Variants in ASTN1 observed in about 807,000 individuals in gnomAD.
ASTN1 encodes the protein astrotactin 1.
A neutral mutation model predicts 140.7 loss-of-function variants in ASTN1; 41 were observed. That is an observed-to-expected ratio of 0.29 (90% CI 0.23 to 0.38). The LOEUF is 0.38. Ranked by LOEUF, ASTN1 falls within the 10% of genes least tolerant of loss-of-function variation. ASTN1 has a pLI of 1.00. For missense variants in ASTN1, 1,479 were observed against 1,678.8 expected (o/e 0.88, Z 2.08); for synonymous variants, 640 against 652.2 (o/e 0.98, Z 0.29).
At chr1:177,018,825 C>T (rs994142076) in intron 7 of ASTN1, among the ~76,000 whole-genome samples, 1 of 152,128 alleles carries the variant, frequency 6.6e-6, no homozygotes, top group African/African-American at 2.4e-5. Flanking sequence ...ACAAAAAAAC[C>T]CTTGCAAAGC....
At chr1:176,921,725 C>T (rs1670731529) in intron 16 of ASTN1, among the ~76,000 whole-genome samples, 1 of 152,120 alleles carries the variant, frequency 6.6e-6, no homozygotes, top group Admixed American at 6.5e-5. Flanking sequence ...CCAGACATCA[C>T]ATTATCTATC....
intron 2 of ASTN1, among the ~76,000 whole-genome samples, chr1:177,042,485 C>T (rs1291098285): frequency 6.6e-6 from 1 of 152,218 alleles, no homozygotes; most frequent in African/African-American, 2.4e-5. Flanking sequence ...ATGTGCTTAA[C>T]TCTTCCTCCA....
At chr1:177,125,273 G>C (rs1681587634) in intron 1 of ASTN1, among the ~76,000 whole-genome samples, 1 of 152,196 alleles carries the variant, frequency 6.6e-6, no homozygotes, top group Non-Finnish European at 1.5e-5. Flanking sequence ...GGCAATCCAA[G>C]TATAGAGATT....
At chr1:177,147,177 A>G (rs1356310797) in intron 1 of ASTN1, among the ~76,000 whole-genome samples, 2 of 152,210 alleles carry the variant, frequency 1.3e-5, no homozygotes, top group Non-Finnish European at 2.9e-5. Flanking sequence ...CAATTCAGTG[A>G]AAAAGACAAC....
At chr1:177,026,013 G>A (rs938545334) in intron 5 of ASTN1, among the ~76,000 whole-genome samples, 25 of 152,180 alleles carry the variant, frequency 1.6e-4, no homozygotes, top group Non-Finnish European at 2.1e-4. Flanking sequence ...CAGGACACAG[G>A]AACAATGCAC....
At position 176,862,553 on chromosome 1, in the gene ASTN1, CT is replaced by C. The variant is rs1217671032; in HGVS notation, c.*1730del. 1.0e-6 allele frequency: 1 copy of C among 985,278 alleles called. No individual in the cohort carries two copies. The highest frequency in any genetic ancestry group is 1.7e-5 in the African/African-American group (1 of 57,212). The allele number at this position is 985,278 out of a possible 1,614,324, so 61.0% of individuals were successfully genotyped here. ...TTGGACAGTTGTGTGCCAGATGATA[CT>C]GAAAACAGAACTGGGTATCCCAGAG... On this transcript the variant is annotated 3_prime_UTR_variant, in exon 23 of 23. Coordinates refer to ENST00000361833, the MANE Select transcript of ASTN1 (RefSeq NM_004319.3).
chr1:176,924,863 G>A (rs570055298), intron 16 of ASTN1, among the ~76,000 whole-genome samples: 1 of 152,280 alleles, frequency 6.6e-6, no homozygotes, highest in African/African-American at 2.4e-5. Context: ...TCCAGGTTAG[G>A]ATGCAAAACT....
chr1:176,990,755 A>G (rs994389981), intron 8 of ASTN1, among the ~76,000 whole-genome samples: 1 of 152,108 alleles, frequency 6.6e-6, no homozygotes, highest in African/African-American at 2.4e-5. Flanking sequence ...CCAACTTTAC[A>G]TAAATCAGGC....
chr1:176,962,703 C>G (rs1672719136), intron 9 of ASTN1, among the ~76,000 whole-genome samples: 1 of 152,090 alleles, frequency 6.6e-6, no homozygotes, highest in African/African-American at 2.4e-5. Flanking sequence ...TTAGAATCAC[C>G]ATGATGCTTT....
Position 177,032,346 on chromosome 1 carries a change from A to G in ASTN1, c.865+110T>C, listed in dbSNP as rs1463919168. On this transcript the variant is annotated intron_variant, in intron 3 of 22. Coordinates refer to ENST00000361833, the MANE Select transcript of ASTN1 (RefSeq NM_004319.3). ...TGCCTATCTAGGGAAGGGCACTGCC[A>G]CATCACACTATGTAGGACAACCAGC... 6 of 1,418,330 alleles carry G rather than the reference A, an allele frequency of 4.2e-6. No homozygotes were observed. The East Asian group carries it at 6.9e-5, about 16-fold the overall frequency. 87.9% of individuals were successfully genotyped at this position (1,418,330 alleles called of 1,614,324 possible).
At chr1:176,951,141 G>A (rs6690895) in intron 11 of ASTN1, among the ~76,000 whole-genome samples, 5,177 of 152,304 alleles carry the variant, frequency 0.034, 282 homozygotes, top group African/African-American at 0.12. Context: ...GGCAGCTGGA[G>A]TGCTGGAAGG....
intron 8 of ASTN1, 123 bp from the exon 9 acceptor site, chr1:176,965,360 CAAG>C: frequency 6.1e-6 from 5 of 824,332 alleles, no homozygotes; most frequent in Non-Finnish European, 1.9e-6. Flanking sequence ...CCTCTGCCCT[CAAG>C]AAGCTCACTA....
chr1:176,930,352 C>T (rs538706774), intron 16 of ASTN1, among the ~76,000 whole-genome samples: 1 of 152,184 alleles, frequency 6.6e-6, no homozygotes, highest in African/African-American at 2.4e-5. Context: ...ATGCTAAACA[C>T]TCAAGAGCAA....
chr1:176,983,738 T>C (rs1225752440), intron 8 of ASTN1, among the ~76,000 whole-genome samples: 1 of 152,232 alleles, frequency 6.6e-6, no homozygotes, highest in African/African-American at 2.4e-5. Flanking sequence ...CTCAAAATGT[T>C]TTCTGCTTTT....
At chr1:177,023,678 A>C in intron 6 of ASTN1, 107 bp from the exon 7 acceptor site, 1 of 1,214,188 alleles carries the variant, frequency 8.2e-7, no homozygotes, top group East Asian at 2.9e-5. Flanking sequence ...CCAATCAGAG[A>C]TCCTAACTCT....
At chr1:176,922,290 T>A (rs1670759642) in intron 16 of ASTN1, among the ~76,000 whole-genome samples, 1 of 152,058 alleles carries the variant, frequency 6.6e-6, no homozygotes. Flanking sequence ...TGCATTTGTA[T>A]GCAGCCTGTG....
At chr1:176,889,031 AG>A (rs1287167998) in intron 17 of ASTN1, among the ~76,000 whole-genome samples, 1 of 152,266 alleles carries the variant, frequency 6.6e-6, no homozygotes, top group African/African-American at 2.4e-5. Context: ...TTTGAATAAC[AG>A]GGTTGAGTCT....
intron 16 of ASTN1, among the ~76,000 whole-genome samples, chr1:176,912,803 G>T (rs1670302207): frequency 6.6e-6 from 1 of 152,196 alleles, no homozygotes; most frequent in Admixed American, 6.5e-5. Context: ...TATGAGGCTT[G>T]CTATCATGGC....
intron 8 of ASTN1, among the ~76,000 whole-genome samples, chr1:176,991,485 A>G (rs914976789): frequency 1.4e-5 from 2 of 146,598 alleles, no homozygotes; most frequent in African/African-American, 5.0e-5. Flanking sequence ...AAGAAACGCT[A>G]TAGAGCCATA....
Sources: allele counts gnomAD v4.1 joint callset (sites outside exome capture counted in the v4.1 genomes callset), GRCh38; gene constraint gnomAD v4.1.1; transcripts MANE v1.5; gene names NCBI Gene and HGNC (gene_info 2026-07-23, HGNC 2026-07-21).